Variants in PSMD14 observed in about 807,000 individuals in gnomAD.
PSMD14 encodes the protein proteasome 26S subunit, non-ATPase 14.
A neutral mutation model predicts 41.2 loss-of-function variants in PSMD14; 7 were observed. The ratio of observed to expected loss-of-function variants is 0.17; its 90% CI spans 0.10 to 0.32. The LOEUF is 0.32. Ranked by LOEUF, PSMD14 falls within the 10% of genes least tolerant of loss-of-function variation. The pLI is 1.00. For missense variants in PSMD14, 139 were observed against 375.6 expected (o/e 0.37, Z 5.21); for synonymous variants, 114 against 122.3 (o/e 0.93, Z 0.45).
intron 5 of PSMD14, among the ~76,000 whole-genome samples, chr2:161,368,158 G>T (rs116747328): frequency 6.6e-6 from 1 of 151,690 alleles, no homozygotes; most frequent in East Asian, 1.9e-4. Context: ...TTAAACTGGT[G>T]TAAAATACTG....
intron 3 of PSMD14, among the ~76,000 whole-genome samples, chr2:161,359,938 C>T (rs1208670642): frequency 3.3e-5 from 5 of 152,046 alleles, no homozygotes; most frequent in South Asian, 4.1e-4. Context: ...ACAAGCTTCT[C>T]GAAGCTTTTG....
chr2:161,335,550 G>A (rs1682856474), intron 3 of PSMD14, among the ~76,000 whole-genome samples: 1 of 152,222 alleles, frequency 6.6e-6, no homozygotes, highest in Admixed American at 6.5e-5. Context: ...ATATAAAGCT[G>A]CATGTTTTTT....
Position 161,405,479 on chromosome 2 carries a change from T to G in PSMD14, c.772-3358T>G, listed in dbSNP as rs112079806. On this transcript the variant is annotated intron_variant, in intron 10 of 11. Coordinates refer to ENST00000409682, the MANE Select transcript of PSMD14 (RefSeq NM_005805.6). ...ATTCCTTTTATGCTAGAAATTTTGC[T>G]GGAATTAACATATGAAGTGTAGATT... 1.5e-3 allele frequency among the ~76,000 whole-genome samples: 234 copies of G among 152,366 alleles called. 3 individuals are homozygous for G. The highest frequency in any genetic ancestry group is 5.4e-3 in the African/African-American group (225 of 41,594).
chr2:161,323,747 C>T (rs1682651808), intron 3 of PSMD14, among the ~76,000 whole-genome samples: 1 of 152,030 alleles, frequency 6.6e-6, no homozygotes, highest in South Asian at 2.1e-4. Context: ...TTTAACTTAC[C>T]AGTAGTTTGA....
At chr2:161,402,570 G>C (rs1683894836) in intron 10 of PSMD14, among the ~76,000 whole-genome samples, 1 of 152,108 alleles carries the variant, frequency 6.6e-6, no homozygotes, top group Non-Finnish European at 1.5e-5. Context: ...AGGCCCAGGA[G>C]GTCAAGGCTG....
At chr2:161,389,912 T>TTTTTTTTTTTTTTTTTTTG (rs1299369817) in intron 8 of PSMD14, among the ~76,000 whole-genome samples, 1 of 130,246 alleles carries the variant, frequency 7.7e-6, no homozygotes, top group Non-Finnish European at 1.6e-5. Context: ...TTTTTTTTTT[T>TTTTTTTTTTTTTTTTTTTG]AGAGATGGGG....
chr2:161,384,362 A>G (rs1423832288), intron 7 of PSMD14: 1 of 151,696 alleles, frequency 6.6e-6, no homozygotes, highest in Admixed American at 6.6e-5. Context: ...AGCATACAGC[A>G]TACAGTAATA....
At chr2:161,372,902 A>T (rs1214274667) in intron 7 of PSMD14, among the ~76,000 whole-genome samples, 1 of 151,918 alleles carries the variant, frequency 6.6e-6, no homozygotes, top group Admixed American at 6.6e-5. Flanking sequence ...ATTTTGTAGT[A>T]TTAGTTCAAC....
intron 7 of PSMD14, among the ~76,000 whole-genome samples, chr2:161,379,247 A>G (rs1683543570): frequency 6.6e-6 from 1 of 152,010 alleles, no homozygotes. Context: ...TCTTAAGTTG[A>G]TATCAGACTA....
In PSMD14 at chr2:161,371,275, A is replaced by G; in HGVS notation, c.415A>G (p.Arg139Gly). 6.2e-7 allele frequency: 1 copy of G among 1,612,098 alleles called. No homozygotes were observed. The highest frequency in any genetic ancestry group is 8.5e-7 in the Non-Finnish European group (1 of 1,178,930). ...TQQSFEALSE[R>G]AVAVVVDPIQ... ...GCAGAGCTTTGAAGCCTTGTCGGAGAGAGCTGTGGCAGTGGTTGTGGATCC... is the reference window on the plus strand; with the variant it reads ...GCAGAGCTTTGAAGCCTTGTCGGAGGGAGCTGTGGCAGTGGTTGTGGATCC... Residue 139 changes from arginine (R) to glycine (G), a missense_variant, in exon 7 of 12, where the codon AGA becomes GGA. Around this residue, in one of 4 missense-constraint regions of PSMD14, gnomAD observed 35 missense variants for 162.9 expected, o/e 0.21. Coordinates refer to ENST00000409682, the MANE Select transcript of PSMD14 (RefSeq NM_005805.6).
At chr2:161,357,602 A>G (rs1683225385) in intron 3 of PSMD14, among the ~76,000 whole-genome samples, 1 of 152,100 alleles carries the variant, frequency 6.6e-6, no homozygotes, top group African/African-American at 2.4e-5. Context: ...TTAGTTTCAT[A>G]TTTTTTACAG....
chr2:161,396,777 A>G (rs149897200), intron 10 of PSMD14, among the ~76,000 whole-genome samples: 126 of 152,256 alleles, frequency 8.3e-4, no homozygotes, highest in African/African-American at 2.8e-3. Context: ...AAGTCTAGTA[A>G]TAGCACTTGG....
chr2:161,389,927 G>A (rs1434823478), intron 8 of PSMD14, among the ~76,000 whole-genome samples: 1 of 17,342 alleles, frequency 5.8e-5, no homozygotes, highest in Non-Finnish European at 1.3e-4. Context: ...ATGGGGTATT[G>A]CTATGTTGTC....
chr2:161,339,479 G>A (rs1425025519), intron 3 of PSMD14, among the ~76,000 whole-genome samples: 1 of 148,068 alleles, frequency 6.8e-6, no homozygotes, highest in African/African-American at 2.5e-5. Flanking sequence ...TTACTGGGTG[G>A]GTTATTTTGT....
At chr2:161,348,395 T>C (rs1484523749) in intron 3 of PSMD14, among the ~76,000 whole-genome samples, 1 of 152,224 alleles carries the variant, frequency 6.6e-6, no homozygotes, top group Non-Finnish European at 1.5e-5. Context: ...CAATAAAATT[T>C]CACTTTAAAA....
chr2:161,342,354 G>A (rs1413270149), intron 3 of PSMD14, among the ~76,000 whole-genome samples: 2 of 151,870 alleles, frequency 1.3e-5, no homozygotes, highest in Non-Finnish European at 2.9e-5. Flanking sequence ...TATCAGAAGT[G>A]GATCTTGGAT....
chr2:161,347,049 C>CA (rs1303258793), intron 3 of PSMD14, among the ~76,000 whole-genome samples: 1 of 152,152 alleles, frequency 6.6e-6, no homozygotes, highest in African/African-American at 2.4e-5. Flanking sequence ...CATCTCAACT[C>CA]AGAGAGTCTA....
intron 3 of PSMD14, 21 bp downstream of exon 3, chr2:161,318,894 G>C: frequency 6.3e-7 from 1 of 1,599,492 alleles, no homozygotes; most frequent in South Asian, 1.1e-5. Context: ...AGTCTCTTGA[G>C]CATTTCCTTG....
chr2:161,312,494 G>T (rs2105227707), intron 1 of PSMD14, among the ~76,000 whole-genome samples: 1 of 152,270 alleles, frequency 6.6e-6, no homozygotes, highest in East Asian at 1.9e-4. Context: ...GCAATATCAG[G>T]TTCTAATCAG....
Sources: gnomAD v4.1 joint callset for allele counts (sites outside exome capture counted in the v4.1 genomes callset) on GRCh38, gnomAD v4.1.1 for gene constraint, gnomAD v4.1.1 regional missense constraint, MANE v1.5 for transcripts, NCBI Gene and HGNC (gene_info 2026-07-23, HGNC 2026-07-21) for gene names.